Variants in SETBP1 observed in about 807,000 individuals in gnomAD.
SETBP1 encodes the protein SET binding protein 1, also known as SET-binding protein.
In SETBP1, 9 loss-of-function variants were observed where a neutral mutation model predicts 101.0. The observed-to-expected ratio is 0.09, with a 90% confidence interval of 0.05 to 0.16. The LOEUF is 0.16. Among genes scored for constraint, SETBP1 ranks in the 10% least tolerant of loss-of-function variants. The probability of loss-of-function intolerance (pLI) is 1.00; values close to 1 mark genes in which losing one functional copy is unlikely to be tolerated. For missense variants in SETBP1, 1,858 were observed against 2,033.8 expected, an observed-to-expected ratio of 0.91 and a Z score of 1.66; for synonymous variants, 818 against 788.5, an observed-to-expected ratio of 1.04 and a Z score of -0.63.
At chr18:44,704,712 T>C (rs769310596) in intron 2 of SETBP1, among the ~76,000 whole-genome samples, 24 of 152,198 alleles carry the variant, frequency 1.6e-4, no homozygotes, top group Non-Finnish European at 3.4e-4. Flanking sequence ...TTGCCTACTA[T>C]GTGTGTGGAA....
intron 2 of SETBP1, among the ~76,000 whole-genome samples, chr18:44,827,574 T>C (rs2072264558): frequency 6.6e-6 from 1 of 152,210 alleles, no homozygotes; most frequent in South Asian, 2.1e-4. Flanking sequence ...TTTGCCCCTA[T>C]GCTAGGGTTT....
intron 2 of SETBP1, among the ~76,000 whole-genome samples, chr18:44,711,873 T>A (rs2069355852): frequency 6.6e-6 from 1 of 152,076 alleles, no homozygotes. Context: ...TTTTCCATAA[T>A]ACCCCAGTGG....
chr18:44,940,864 C>A (rs1321733851), intron 3 of SETBP1, among the ~76,000 whole-genome samples: 1 of 152,060 alleles, frequency 6.6e-6, no homozygotes, highest in African/African-American at 2.4e-5. Context: ...TTCCTTTTGG[C>A]CTAAAGAACT....
Position 45,063,473 on chromosome 18 carries a change from G to GGCCCCCC in SETBP1, c.4566_4567insGCCCCCC (p.Pro1523AlafsTer71). 4 of 1,442,144 alleles carry GGCCCCCC rather than the reference G, an allele frequency of 2.8e-6. No homozygotes were observed. The highest frequency in any genetic ancestry group is 9.1e-7 in the Non-Finnish European group (1 of 1,102,288). The allele number at this position is 1,442,144 out of a possible 1,614,324, so 89.3% of individuals were successfully genotyped here. A position where few individuals can be genotyped will look rare whatever the true frequency, so the allele number is the denominator to read the frequency against. ...ACATGGCCCGGGAGGCGCCGCCCCT[G>GGCCCCCC]CCCCCGCCACCGCCGCCGCCCCTGC... On this transcript the variant is annotated frameshift_variant, in exon 6 of 6. Coordinates refer to ENST00000649279, the MANE Select transcript of SETBP1 (RefSeq NM_015559.3). LOFTEE classifies it high-confidence loss of function.
intron 3 of SETBP1, among the ~76,000 whole-genome samples, chr18:44,949,551 A>C (rs1377043478): frequency 6.6e-6 from 1 of 152,242 alleles, no homozygotes; most frequent in Non-Finnish European, 1.5e-5. Context: ...GTAAAAAGGC[A>C]CTGGGCTAAG....
At chr18:44,862,491 G>T (rs1010211040) in intron 2 of SETBP1, among the ~76,000 whole-genome samples, 1 of 151,912 alleles carries the variant, frequency 6.6e-6, no homozygotes, top group Non-Finnish European at 1.5e-5. Context: ...AACCACCCCC[G>T]CGGTCTCTAC....
intron 3 of SETBP1, among the ~76,000 whole-genome samples, chr18:44,885,945 T>C (rs2069637812): frequency 6.6e-6 from 1 of 151,612 alleles, no homozygotes; most frequent in African/African-American, 2.4e-5. Context: ...TTATATTCAA[T>C]GCAGTTTATT....
intron 2 of SETBP1, among the ~76,000 whole-genome samples, chr18:44,758,016 G>A (rs1230340789): frequency 6.6e-6 from 1 of 152,150 alleles, no homozygotes; most frequent in African/African-American, 2.4e-5. Context: ...TTGTCTCAGC[G>A]AGTACTAAGG....
chr18:44,725,292 A>G (rs780531903), intron 2 of SETBP1, among the ~76,000 whole-genome samples: 13 of 152,332 alleles, frequency 8.5e-5, no homozygotes, highest in Non-Finnish European at 1.8e-4. Context: ...ATAATTTCAC[A>G]TCTAAGAGAG....
At position 44,896,536 on chromosome 18, in the gene SETBP1, C is replaced by T. The variant is rs187825701; in HGVS notation, c.540+27253C>T. Among the ~76,000 whole-genome samples, 9 of 152,132 alleles carry T rather than the reference C, an allele frequency of 5.9e-5. No individual in the cohort carries two copies. The East Asian group carries it at 9.7e-4, about 16-fold the overall frequency. On this transcript the variant is annotated intron_variant, in intron 3 of 5. Coordinates refer to ENST00000649279, the MANE Select transcript of SETBP1 (RefSeq NM_015559.3). ...TTTGTTTTGTTTGTTGGATTTTTTC[C>T]GGCTGGAGTGCAGTGGTGCCATCTC...
chr18:44,833,027 G>C (rs527254258), intron 2 of SETBP1, among the ~76,000 whole-genome samples: 3 of 152,344 alleles, frequency 2.0e-5, no homozygotes, highest in Admixed American at 2.0e-4. Context: ...GGGGACAGTG[G>C]AGGTGGATGG....
chr18:44,739,235 G>T (rs552345699), intron 2 of SETBP1, among the ~76,000 whole-genome samples: 2 of 152,136 alleles, frequency 1.3e-5, no homozygotes, highest in Non-Finnish European at 1.5e-5. Context: ...ATTCTGTTCC[G>T]CTTTAATTGC....
Position 44,701,549 on chromosome 18 carries a change from A to G in SETBP1, c.203A>G (p.Asp68Gly). ...EEEDELGSGR[D>G]VDSNSNADSE... ...GAGGATGAACTAGGCTCAGGGCGGG[A>G]TGTGGATTCCAACTCCAACGCGGAC... The change falls in exon 2 of 6, where the codon GAT (aspartate) becomes GGT (glycine). Residue 68 changes from aspartate (D) to glycine (G), a missense_variant. Asp to Gly is a moderately conservative substitution (Grantham distance 94). Coordinates refer to ENST00000649279, the MANE Select transcript of SETBP1 (RefSeq NM_015559.3). 1.2e-6 allele frequency: 2 copies of G among 1,614,122 alleles called. No homozygotes were observed. Among genetic ancestry groups the G allele is most frequent in the Non-Finnish European group, 1.7e-6 (2 of 1,180,008 alleles).
chr18:44,711,844 C>T (rs1215292554), intron 2 of SETBP1, among the ~76,000 whole-genome samples: 1 of 151,866 alleles, frequency 6.6e-6, no homozygotes, highest in Non-Finnish European at 1.5e-5. Flanking sequence ...GACTACACAA[C>T]CTCTAGGGCA....
At chr18:45,058,224 A>G (rs2073840075) in intron 5 of SETBP1, among the ~76,000 whole-genome samples, 1 of 152,242 alleles carries the variant, frequency 6.6e-6, no homozygotes, top group African/African-American at 2.4e-5. Flanking sequence ...TATGGAATCA[A>G]TCTTGCAGCA....
chr18:44,753,139 T>C (rs1293865779), intron 2 of SETBP1, among the ~76,000 whole-genome samples: 1 of 152,226 alleles, frequency 6.6e-6, no homozygotes, highest in Non-Finnish European at 1.5e-5. Flanking sequence ...TTGTAGATTA[T>C]TTCCAAAACC....
At chr18:44,759,555 C>G (rs896620431) in intron 2 of SETBP1, among the ~76,000 whole-genome samples, 25 of 152,198 alleles carry the variant, frequency 1.6e-4, no homozygotes, top group Admixed American at 3.3e-4. Context: ...GTTCCCTCCT[C>G]CATCTTAGCC....
At chr18:45,017,305 G>T (rs373407892) in intron 4 of SETBP1, among the ~76,000 whole-genome samples, 1 of 152,194 alleles carries the variant, frequency 6.6e-6, no homozygotes, top group African/African-American at 2.4e-5. Context: ...CACAACTCCA[G>T]ACCCCACCCT....
intron 3 of SETBP1, among the ~76,000 whole-genome samples, chr18:44,876,070 G>A (rs2069396121): frequency 6.6e-6 from 1 of 152,208 alleles, no homozygotes; most frequent in South Asian, 2.1e-4. Flanking sequence ...TTGCTGCATA[G>A]CATTTTGAAT....
Sources: allele counts gnomAD v4.1 joint callset (sites outside exome capture counted in the v4.1 genomes callset), GRCh38; gene constraint gnomAD v4.1.1; transcripts MANE v1.5; gene names NCBI Gene and HGNC (gene_info 2026-07-23, HGNC 2026-07-21).